The following GPR158 variants were observed in gnomAD, a reference collection of about 807,000 sequenced individuals.
GPR158 encodes G protein-coupled receptor 158.
GPR158 carries 30 observed loss-of-function variants against 78.2 expected under a neutral mutation model. The ratio of observed to expected loss-of-function variants is 0.38; its 90% CI spans 0.29 to 0.52. The LOEUF (loss-of-function observed/expected upper bound fraction) is 0.52. Ranked by LOEUF, GPR158 falls within the 20% of genes least tolerant of loss-of-function variation. The pLI, the probability that GPR158 is intolerant of heterozygous loss-of-function variation, is 0.83. For missense variants in GPR158, 1,463 were observed against 1,523.5 expected (o/e 0.96, Z 0.66); for synonymous variants, 581 against 591.1 (o/e 0.98, Z 0.25).
At chr10:25,200,865 TTTG>T (rs2130654535) in intron 1 of GPR158, among the ~76,000 whole-genome samples, 1 of 131,856 alleles carries the variant, frequency 7.6e-6, no homozygotes, top group Admixed American at 8.2e-5. Flanking sequence ...TGTTTTTTGT[TTTG>T]TTTTTTTTTT....
intron 6 of GPR158, among the ~76,000 whole-genome samples, chr10:25,563,358 TTATAGAAAACA>T (rs1443203250): frequency 6.6e-6 from 1 of 152,194 alleles, no homozygotes; most frequent in African/African-American, 2.4e-5. Flanking sequence ...GGTAACTCTC[TTATAGAAAACA>T]TATAGTTGGA....
At chr10:25,358,605 C>T (rs1855585576) in intron 2 of GPR158, among the ~76,000 whole-genome samples, 1 of 152,058 alleles carries the variant, frequency 6.6e-6, no homozygotes. Context: ...ACTTGCTCCT[C>T]CTTGCCTTCC....
chr10:25,408,729 A>T (rs1007791674), intron 3 of GPR158, among the ~76,000 whole-genome samples: 1 of 152,238 alleles, frequency 6.6e-6, no homozygotes. Flanking sequence ...TTCCTCTGCA[A>T]TGGATACCTT....
chr10:25,460,554 A>C (rs1371415809), intron 4 of GPR158, among the ~76,000 whole-genome samples: 1 of 152,226 alleles, frequency 6.6e-6, no homozygotes, highest in Non-Finnish European at 1.5e-5. Flanking sequence ...TTTATTTATT[A>C]AAGTATATTA....
intron 4 of GPR158, among the ~76,000 whole-genome samples, chr10:25,423,909 A>G (rs1394742458): frequency 2.0e-5 from 3 of 152,170 alleles, no homozygotes; most frequent in Non-Finnish European, 4.4e-5. Context: ...CAGTAATGGG[A>G]TTGCTGGGTC....
chr10:25,345,842 C>A lies in GPR158; in HGVS notation c.1009-50069C>A, dbSNP rs76473263. 3.6e-3 allele frequency among the ~76,000 whole-genome samples: 547 copies of A among 151,976 alleles called. 6 individuals carry two copies. The highest frequency in any genetic ancestry group is 0.013 in the African/African-American group (521 of 41,480). ...GTCCCAGAAAGCCCCCAGACGAGGT[C>A]TAGGATCATAATCCATTTTAGTGAT... is the stretch of plus-strand genomic sequence containing the variant. On this transcript the variant is annotated intron_variant, in intron 2 of 10. Transcript: ENST00000376351.
chr10:25,570,652 C>T (rs1836993828), intron 6 of GPR158, among the ~76,000 whole-genome samples: 1 of 152,104 alleles, frequency 6.6e-6, no homozygotes, highest in African/African-American at 2.4e-5. Context: ...TGGCTCTCGC[C>T]TGTAATAATC....
intron 5 of GPR158, among the ~76,000 whole-genome samples, chr10:25,489,426 G>T (rs1440351849): frequency 2.0e-5 from 3 of 152,128 alleles, no homozygotes; most frequent in African/African-American, 7.2e-5. Context: ...ATGAATGGCT[G>T]ATGTGAATTT....
chr10:25,314,378 C>T (rs1479412584), intron 2 of GPR158, among the ~76,000 whole-genome samples: 2 of 152,144 alleles, frequency 1.3e-5, no homozygotes, highest in African/African-American at 4.8e-5. Flanking sequence ...GGATTACAGG[C>T]ATGAGCCACC....
At chr10:25,578,102 A>G (rs1837130565) in intron 7 of GPR158, among the ~76,000 whole-genome samples, 1 of 152,220 alleles carries the variant, frequency 6.6e-6, no homozygotes, top group African/African-American at 2.4e-5. Context: ...ATAACAATAC[A>G]TACTATGGTA....
At chr10:25,328,149 T>A (rs1855063095) in intron 2 of GPR158, among the ~76,000 whole-genome samples, 1 of 151,982 alleles carries the variant, frequency 6.6e-6, no homozygotes. Context: ...AAGGACTAAT[T>A]CCTGTCTTCC....
rs1588930258 is a variant in GPR158 at position 25,598,194 on chromosome 10, A to G, written c.2568A>G (p.Lys856=). The G allele has an allele frequency of 6.2e-7, 1 of 1,614,136 alleles. No homozygotes were observed. The highest frequency in any genetic ancestry group is 8.5e-7 in the Non-Finnish European group (1 of 1,180,034). ...NSTLESLSGK[K]LTQKLKEDSE... Reference sequence around the variant, plus strand: ...CACTGGAATCCCTGTCGGGTAAAAAACTAACACAAAAACTAAAAGAAGACA... The same window carrying G: ...CACTGGAATCCCTGTCGGGTAAAAAGCTAACACAAAAACTAAAAGAAGACA... Residue 856 remains lysine, a synonymous_variant, in exon 11 of 11, where the codon AAA becomes AAG. Coordinates refer to ENST00000376351, the MANE Select transcript of GPR158 (RefSeq NM_020752.3).
intron 1 of GPR158, among the ~76,000 whole-genome samples, chr10:25,178,555 C>G (rs938349227): frequency 1.3e-5 from 2 of 152,186 alleles, no homozygotes; most frequent in African/African-American, 4.8e-5. Context: ...TTTTTTCACT[C>G]TGTTTAGAAA....
intron 1 of GPR158, among the ~76,000 whole-genome samples, chr10:25,214,443 G>T (rs1413919721): frequency 2.0e-5 from 3 of 152,158 alleles, no homozygotes; most frequent in Non-Finnish European, 4.4e-5. Flanking sequence ...ACAGCTTCCT[G>T]TAGTAATACA....
intron 2 of GPR158, among the ~76,000 whole-genome samples, chr10:25,340,793 A>G (rs1248178042): frequency 1.3e-5 from 2 of 152,152 alleles, no homozygotes; most frequent in East Asian, 3.9e-4. Flanking sequence ...AGAGAATGAA[A>G]CAAAACCAAT....
At chr10:25,282,611 G>A (rs570104758) in intron 2 of GPR158, among the ~76,000 whole-genome samples, 92 of 152,174 alleles carry the variant, frequency 6.0e-4, no homozygotes, top group South Asian at 2.3e-3. Context: ...AGTTCCGTTC[G>A]TTTTGCATCC....
At chr10:25,312,588 G>A (rs79051646) in intron 2 of GPR158, among the ~76,000 whole-genome samples, 2,794 of 152,188 alleles carry the variant, frequency 0.018, 65 homozygotes, top group African/African-American at 0.054. Flanking sequence ...GGTGTTCCAT[G>A]AAATAAATGC....
intron 2 of GPR158, among the ~76,000 whole-genome samples, chr10:25,340,023 C>T (rs748803482): frequency 9.9e-5 from 15 of 151,952 alleles, no homozygotes; most frequent in Non-Finnish European, 1.8e-4. Context: ...TTTTGCCTGC[C>T]TTAGTGTCAC....
At chr10:25,506,093 A>C (rs1457107857) in intron 5 of GPR158, among the ~76,000 whole-genome samples, 1 of 152,200 alleles carries the variant, frequency 6.6e-6, no homozygotes, top group Non-Finnish European at 1.5e-5. Context: ...ACTCGACACT[A>C]GGTTCTGGCT....
Sources: allele counts gnomAD v4.1 joint callset (sites outside exome capture counted in the v4.1 genomes callset), GRCh38; gene constraint gnomAD v4.1.1; transcripts MANE v1.5; gene names NCBI Gene and HGNC (gene_info 2026-07-23, HGNC 2026-07-21).